The following RGS7 variants were observed in gnomAD, a reference collection of about 807,000 sequenced individuals.
RGS7 encodes the protein regulator of G-protein signaling 7.
In RGS7, 27 loss-of-function variants were observed where a neutral mutation model predicts 81.1. The ratio of observed to expected loss-of-function variants is 0.33; its 90% CI spans 0.25 to 0.46. The LOEUF (loss-of-function observed/expected upper bound fraction) is 0.46. RGS7 is among the 20% of genes least tolerant of loss of function. RGS7 has a pLI of 1.00. For missense variants in RGS7, 396 were observed against 607.4 expected, an observed-to-expected ratio of 0.65 and a Z score of 3.66; for synonymous variants, 208 against 207.7, an observed-to-expected ratio of 1.00 and a Z score of -0.01.
intron 2 of RGS7, among the ~76,000 whole-genome samples, chr1:241,222,821 C>A (rs1264597075): frequency 2.0e-5 from 3 of 150,990 alleles, no homozygotes; most frequent in Non-Finnish European, 4.4e-5. Flanking sequence ...CCCAGCCCCC[C>A]ACCCCCTGAC....
At chr1:241,135,384 G>A (rs558876133) in intron 2 of RGS7, among the ~76,000 whole-genome samples, 1 of 152,138 alleles carries the variant, frequency 6.6e-6, no homozygotes, top group African/African-American at 2.4e-5. Context: ...CCGAGATCGC[G>A]CCCCTGCACT....
chr1:240,894,596 G>A (rs1221282024), intron 6 of RGS7, among the ~76,000 whole-genome samples: 1 of 150,650 alleles, frequency 6.6e-6, no homozygotes, highest in East Asian at 1.9e-4. Context: ...TTATTACAAA[G>A]CCTCTTTGGT....
chr1:241,335,610 A>C (rs767084356), intron 2 of RGS7, among the ~76,000 whole-genome samples: 5 of 152,188 alleles, frequency 3.3e-5, no homozygotes, highest in Non-Finnish European at 7.3e-5. Context: ...TAAATTTATC[A>C]AGTGATGTGT....
chr1:241,214,329 T>C (rs1016299098), intron 2 of RGS7, among the ~76,000 whole-genome samples: 13 of 152,178 alleles, frequency 8.5e-5, no homozygotes, highest in Admixed American at 7.2e-4. Context: ...TAGAAACTTA[T>C]CATTCCATGT....
Position 241,356,989 on chromosome 1 carries a change from G to A in RGS7, c.-141C>T, listed in dbSNP as rs983383890. 7.2e-5 allele frequency: 11 copies of A among 152,210 alleles called. No individual in the cohort carries two copies. The highest frequency in any genetic ancestry group is 1.4e-4 in the African/African-American group (6 of 41,426). The allele number at this position is 152,210 out of a possible 1,614,324, so 9.4% of individuals were successfully genotyped here. A position where few individuals can be genotyped will look rare whatever the true frequency, so the allele number is the denominator to read the frequency against. On this transcript the variant is annotated 5_prime_UTR_variant, in exon 1 of 19. Transcript: ENST00000440928. ...CAGCTGGCGGCAAGCGGAGCAGCGAGGCAGGGTAGCTTCATCACACTCGCG... is the reference window on the plus strand; with the variant it reads ...CAGCTGGCGGCAAGCGGAGCAGCGAAGCAGGGTAGCTTCATCACACTCGCG...
intron 18 of RGS7, among the ~76,000 whole-genome samples, chr1:240,785,275 C>G (rs1410249568): frequency 2.6e-5 from 4 of 152,196 alleles, no homozygotes; most frequent in Admixed American, 6.5e-5. Flanking sequence ...CTGCTGCTCT[C>G]TCCGCTGGTC....
chr1:241,242,002 C>T (rs1216435026), intron 2 of RGS7, among the ~76,000 whole-genome samples: 2 of 151,492 alleles, frequency 1.3e-5, no homozygotes, highest in Non-Finnish European at 2.9e-5. Context: ...TATTTGGTTA[C>T]ATGAGTAAGT....
At chr1:240,971,693 A>T (rs763016061) in intron 4 of RGS7, among the ~76,000 whole-genome samples, 1 of 152,234 alleles carries the variant, frequency 6.6e-6, no homozygotes, top group Non-Finnish European at 1.5e-5. Flanking sequence ...TGTTAGATTT[A>T]TACTTAATGG....
chr1:240,806,875 T>C (rs1398239737), intron 14 of RGS7, among the ~76,000 whole-genome samples: 5 of 152,108 alleles, frequency 3.3e-5, no homozygotes, highest in Non-Finnish European at 5.9e-5. Context: ...CAAAGAAGCT[T>C]TGCTGGAGTT....
chr1:241,300,012 G>T (rs1259954570), intron 2 of RGS7, among the ~76,000 whole-genome samples: 1 of 151,498 alleles, frequency 6.6e-6, no homozygotes, highest in African/African-American at 2.4e-5. Flanking sequence ...CCACTCGGGA[G>T]GCTGGGGTGG....
intron 3 of RGS7, among the ~76,000 whole-genome samples, chr1:240,993,197 AAAG>A (rs925367330): frequency 6.6e-6 from 1 of 150,722 alleles, no homozygotes; most frequent in East Asian, 2.0e-4. Flanking sequence ...AAGAAAGAGG[AAAG>A]AAGGAGAGAA....
At chr1:240,795,736 A>G (rs78986375) in intron 18 of RGS7, among the ~76,000 whole-genome samples, 4,613 of 152,348 alleles carry the variant, frequency 0.03, 226 homozygotes, top group African/African-American at 0.1. Flanking sequence ...AGAATCATGT[A>G]GAAAAATAGT....
intron 2 of RGS7, among the ~76,000 whole-genome samples, chr1:241,191,740 T>C (rs1378381686): frequency 2.0e-5 from 3 of 152,258 alleles, no homozygotes; most frequent in African/African-American, 4.8e-5. Context: ...ATATTTCTTT[T>C]TGGGGAGTTT....
chr1:241,049,155 G>A (rs2061112648), intron 3 of RGS7, among the ~76,000 whole-genome samples: 1 of 152,196 alleles, frequency 6.6e-6, no homozygotes, highest in Admixed American at 6.5e-5. Flanking sequence ...GTACTAGGGG[G>A]TAGATCTTTA....
At chr1:240,977,707 C>T (rs1385128407) in intron 4 of RGS7, among the ~76,000 whole-genome samples, 1 of 152,208 alleles carries the variant, frequency 6.6e-6, no homozygotes, top group Admixed American at 6.5e-5. Flanking sequence ...TCATAAAACC[C>T]TCAATGCCGG....
intron 2 of RGS7, among the ~76,000 whole-genome samples, chr1:241,113,961 T>C (rs11799381): frequency 0.13 from 20,272 of 152,252 alleles, 2,340 homozygotes; most frequent in African/African-American, 0.3. Flanking sequence ...CTTATTTCTT[T>C]TGTTCTCTTT....
At chr1:240,987,291 T>C (rs191367421) in intron 3 of RGS7, among the ~76,000 whole-genome samples, 2 of 152,330 alleles carry the variant, frequency 1.3e-5, no homozygotes, top group East Asian at 3.9e-4. Context: ...CTAAAGACAT[T>C]AGTGAAAACT....
chr1:240,912,393 G>A (rs1311293212), intron 6 of RGS7, among the ~76,000 whole-genome samples: 1 of 152,108 alleles, frequency 6.6e-6, no homozygotes, highest in Non-Finnish European at 1.5e-5. Flanking sequence ...ACACTTTAAT[G>A]TACATCTGAA....
chr1:241,350,944 A>G (rs983582714), intron 2 of RGS7, among the ~76,000 whole-genome samples: 2 of 152,156 alleles, frequency 1.3e-5, no homozygotes, highest in African/African-American at 4.8e-5. Flanking sequence ...AGAAGAAATC[A>G]AGCCACTCCT....
Sources: allele counts gnomAD v4.1 joint callset (sites outside exome capture counted in the v4.1 genomes callset), GRCh38; gene constraint gnomAD v4.1.1; transcripts MANE v1.5; gene names NCBI Gene and HGNC (gene_info 2026-07-23, HGNC 2026-07-21).